The following MICALL2 variants were observed in gnomAD, a reference collection of about 807,000 sequenced individuals.
MICALL2 encodes the protein MICAL-like protein 2.
In MICALL2, 111 loss-of-function variants were observed where a neutral mutation model predicts 91.1. The ratio of observed to expected loss-of-function variants is 1.22; its 90% CI spans 1.04 to 1.43. MICALL2 has a LOEUF of 1.43. Among genes scored for constraint, MICALL2 ranks in the 40% most tolerant of loss-of-function variants. MICALL2 has a pLI of 0.00. For synonymous variants in MICALL2, 694 were observed against 525.3 expected, an observed-to-expected ratio of 1.32 and a Z score of -4.39; for missense variants, 1,556 against 1,236.0, an observed-to-expected ratio of 1.26 and a Z score of -3.88.
In MICALL2 at chr7:1,448,680, G is replaced by C. The variant is rs150995341; in HGVS notation, c.274C>G (p.Arg92Gly). The change falls in exon 3 of 17, where the codon CGG (arginine) becomes GGG (glycine). Residue 92 changes from arginine to glycine, a missense_variant. By Grantham distance (125) the Arg-to-Gly change is moderately radical. Transcript: ENST00000297508. ...EDMVALKVPD[R>G]LSILTYVSQY... ...GACACGTAGGTCAAGATGCTCAGCC[G>C]GTCAGGCACCTTCAAGGCCACCATG... The C allele has an allele frequency of 6.2e-7, 1 of 1,612,790 alleles. No individual in the cohort carries two copies. The highest frequency in any genetic ancestry group is 8.5e-7 in the Non-Finnish European group (1 of 1,179,920).
In MICALL2 at chr7:1,447,766, C is replaced by T. The variant is rs1451065232; in HGVS notation, c.335-1G>A. The T allele has an allele frequency of 6.5e-7, 1 of 1,527,278 alleles. No homozygotes were observed. Among genetic ancestry groups the T allele is most frequent in the Non-Finnish European group, 8.8e-7 (1 of 1,134,158 alleles). The allele number at this position is 1,527,278 out of a possible 1,614,324, so 94.6% of individuals were successfully genotyped here. On this transcript the variant is annotated splice_acceptor_variant, in intron 3 of 16. Coordinates refer to ENST00000297508, the MANE Select transcript of MICALL2 (RefSeq NM_182924.4). LOFTEE classifies it high-confidence loss of function. ...CTCTTCACGCCTGCCATGCCCCCAA[C>T]TGGAGGAATCAAGCAGGGATCGGGA...
At chr7:1,456,729 C>A (rs937382135) in intron 1 of MICALL2, among the ~76,000 whole-genome samples, 1 of 152,168 alleles carries the variant, frequency 6.6e-6, no homozygotes. Flanking sequence ...TAAGACGGTG[C>A]CACTGCACTC....
In MICALL2 at chr7:1,447,623, A is replaced by G. The variant is rs755496457; in HGVS notation, c.477T>C (p.Pro159=). ...CACCCTCATTCCTCCTCTGGACCACAGGGTTTGTCTGGGCTGGAGATAGTG... is the reference window on the plus strand; with the variant it reads ...CACCCTCATTCCTCCTCTGGACCACGGGGTTTGTCTGGGCTGGAGATAGTG... ...KPPLSPAQTN[P]VVQRRNEGAG... is the part of the protein sequence containing the mutation. The change falls in exon 4 of 17, where the codon CCT becomes CCC. Residue 159 remains proline, a synonymous_variant. Coordinates refer to ENST00000297508, the MANE Select transcript of MICALL2 (RefSeq NM_182924.4). The G allele has an allele frequency of 1.3e-6, 2 of 1,597,808 alleles. No homozygotes were observed. The highest frequency in any genetic ancestry group is 2.3e-5 in the East Asian group (1 of 44,296).
At chr7:1,437,201 G>T in intron 14 of MICALL2, 2 of 489,666 alleles carry the variant, frequency 4.1e-6, no homozygotes, top group East Asian at 7.5e-5. Context: ...CCTGCATCAC[G>T]AGACAAATGC....
Position 1,440,613 on chromosome 7 carries a change from C to G in MICALL2, c.1783G>C (p.Asp595His). The change falls in exon 8 of 17, where the codon GAC becomes CAC. Residue 595 changes from aspartate (D) to histidine (H), a missense_variant. By Grantham distance (81) the Asp-to-His change is moderately conservative. Coordinates refer to ENST00000297508, the MANE Select transcript of MICALL2 (RefSeq NM_182924.4). ...AACCTCTCAGCTGGGCTTCTCCTGT[C>G]CACGGGCTTCAGATTCGCTCTCCAT... ...AGWRANLKPV[D>H]RRSPAERTLK... 6.2e-7 allele frequency: 1 copy of G among 1,612,844 alleles called. No homozygotes were observed. The highest frequency in any genetic ancestry group is 8.5e-7 in the Non-Finnish European group (1 of 1,179,954).
chr7:1,441,688 G>A (rs2128521007), intron 7 of MICALL2: 1 of 168,166 alleles, frequency 5.9e-6, no homozygotes, highest in Non-Finnish European at 1.3e-5. Context: ...ACCAGCGGAG[G>A]GGACGGGGCA....
chr7:1,458,118 T>C (rs1014210653), intron 1 of MICALL2, among the ~76,000 whole-genome samples: 15 of 152,216 alleles, frequency 9.9e-5, no homozygotes, highest in Non-Finnish European at 2.1e-4. Flanking sequence ...GCCGAGGCTG[T>C]TGCTCAAGAC....
chr7:1,444,562 T>TGCAGCGCCCCCA (rs1463828664), intron 6 of MICALL2, 90 bp downstream of exon 6: 3 of 1,285,946 alleles, frequency 2.3e-6, no homozygotes, highest in Non-Finnish European at 3.2e-6. Flanking sequence ...GCCAGGGAGG[T>TGCAGCGCCCCCA]GCAGCGCCCC....
At chr7:1,455,254 C>T (rs1320238146) in intron 1 of MICALL2, among the ~76,000 whole-genome samples, 1 of 152,244 alleles carries the variant, frequency 6.6e-6, no homozygotes, top group Non-Finnish European at 1.5e-5. Context: ...GCTGCTCCAG[C>T]CCCGACAGGC....
Position 1,434,417 on chromosome 7 carries a change from C to A in MICALL2, c.*179G>T. 1 of 700,596 alleles carries A rather than the reference C, an allele frequency of 1.4e-6. No individual in the cohort carries two copies. Among genetic ancestry groups the A allele is most frequent in the Non-Finnish European group, 2.6e-6 (1 of 383,638 alleles). The allele number at this position is 700,596 out of a possible 1,614,324, so 43.4% of individuals were successfully genotyped here. A position where few individuals can be genotyped will look rare whatever the true frequency, so the allele number is the denominator to read the frequency against. On this transcript the variant is annotated 3_prime_UTR_variant, in exon 17 of 17. Coordinates refer to ENST00000297508, the MANE Select transcript of MICALL2 (RefSeq NM_182924.4). ...CCACAGACGGTAGCGCAGGTCCCTG[C>A]TGTCCACATGCCCCTTGTAGGGACA... is the stretch of plus-strand genomic sequence containing the variant.
chr7:1,444,253 C>A (rs1423835600), intron 6 of MICALL2, among the ~76,000 whole-genome samples: 2 of 141,470 alleles, frequency 1.4e-5, no homozygotes, highest in East Asian at 4.2e-4. Context: ...AGCGTGGGTC[C>A]CGCTCGCGGC....
chr7:1,446,331 T>G (rs1156873153), intron 5 of MICALL2, among the ~76,000 whole-genome samples: 4 of 54,714 alleles, frequency 7.3e-5, no homozygotes, highest in Admixed American at 1.9e-4. Flanking sequence ...GAGAGAAGAG[T>G]GAAGAGGGAG....
rs1489417458 is a variant in MICALL2, at chr7:1,451,185, A to G, written c.144-897T>C. Among the ~76,000 whole-genome samples, 1 of 151,662 alleles carries G rather than the reference A, an allele frequency of 6.6e-6. No homozygotes were observed. Among genetic ancestry groups the G allele is most frequent in the Non-Finnish European group, 1.5e-5 (1 of 67,932 alleles). ...CCTGGACAGCAGGGCCCTTCTGGGGACGCCAAGAGGACAGCCCCACGTGAC... is the reference window on the plus strand; with the variant it reads ...CCTGGACAGCAGGGCCCTTCTGGGGGCGCCAAGAGGACAGCCCCACGTGAC... On this transcript the variant is annotated intron_variant, in intron 1 of 16. Transcript: ENST00000297508. The surrounding 1 kb of genome is among the most constrained non-coding windows in gnomAD (Gnocchi z 4.5).
intron 1 of MICALL2, among the ~76,000 whole-genome samples, chr7:1,457,408 G>A (rs190389818): frequency 0.012 from 1,851 of 152,224 alleles, 23 homozygotes; most frequent in Admixed American, 0.021. Context: ...TCTCTCTCCC[G>A]CCTCCTTCCT....
At chr7:1,459,095 TC>T (rs1213380463) in intron 1 of MICALL2, 88 bp downstream of exon 1, 4 of 1,377,978 alleles carry the variant, frequency 2.9e-6, no homozygotes, top group African/African-American at 3.0e-5. Context: ...CGGCTCCCCA[TC>T]CCCCAGCCGC....
intron 1 of MICALL2, among the ~76,000 whole-genome samples, chr7:1,456,656 A>G (rs985901964): frequency 6.6e-5 from 10 of 152,168 alleles, no homozygotes; most frequent in Non-Finnish European, 1.0e-4. Flanking sequence ...GCATGGTCCC[A>G]GCTACTCGGG....
At chr7:1,437,818 TC>T in intron 13 of MICALL2, 71 bp downstream of exon 13, 1 of 1,413,342 alleles carries the variant, frequency 7.1e-7, no homozygotes, top group Non-Finnish European at 9.8e-7. Context: ...TGCGCTCCTG[TC>T]CCCCGCCTGG....
intron 2 of MICALL2, 111 bp downstream of exon 2, chr7:1,450,129 G>T (rs1172577016): frequency 2.5e-6 from 2 of 804,010 alleles, no homozygotes; most frequent in African/African-American, 3.4e-5. Context: ...TCCCAGGCAG[G>T]ACTCCCAAGG....
At chr7:1,440,723 T>C (rs1214788630) in intron 7 of MICALL2, 39 bp from the exon 8 acceptor site, 1 of 1,547,708 alleles carries the variant, frequency 6.5e-7, no homozygotes, top group Non-Finnish European at 8.9e-7. Flanking sequence ...GAGGAAGGAG[T>C]GCTGGGAATG....
Sources: allele counts gnomAD v4.1 joint callset (sites outside exome capture counted in the v4.1 genomes callset), GRCh38; gene constraint gnomAD v4.1.1; non-coding constraint Gnocchi (gnomAD v3.1); transcripts MANE v1.5; gene names NCBI Gene and HGNC (gene_info 2026-07-23, HGNC 2026-07-21).